Variants in ADAMTSL1 observed in about 807,000 individuals in gnomAD.
ADAMTSL1 encodes ADAMTS like 1.
A neutral mutation model predicts 201.8 loss-of-function variants in ADAMTSL1; 126 were observed. The observed-to-expected ratio is 0.62, with a 90% CI of 0.54 to 0.72. ADAMTSL1 has a LOEUF of 0.72. Among genes scored for constraint, ADAMTSL1 ranks in the 30% least tolerant of loss-of-function variants. ADAMTSL1 has a pLI of 0.00. For synonymous variants in ADAMTSL1, 1,121 were observed against 903.4 expected, an observed-to-expected ratio of 1.24 and a Z score of -4.32; for missense variants, 2,679 against 2,277.8, an observed-to-expected ratio of 1.18 and a Z score of -3.59.
intron 2 of ADAMTSL1, among the ~76,000 whole-genome samples, chr9:18,310,629 G>T (rs899662913): frequency 2.0e-5 from 3 of 152,132 alleles, no homozygotes; most frequent in African/African-American, 7.2e-5. Flanking sequence ...GGTCATTAGA[G>T]AAATGCAAGT....
rs1157409540 is a variant in ADAMTSL1, at chr9:18,009,610, T to G, written c.87+102688T>G. Among the ~76,000 whole-genome samples, 6 of 152,146 alleles carry G rather than the reference T, an allele frequency of 3.9e-5. No homozygotes were observed. In the East Asian group the frequency reaches 9.7e-4, roughly 25 times the overall value. On this transcript the variant is annotated intron_variant, in intron 1 of 29. Coordinates refer to the ADAMTSL1 transcript ENST00000680146. ...TCTGGTTTTCAGACTTGTTAAAAAT[T>G]TATATAATGAGAGATGTGTTGGTTT...
intron 2 of ADAMTSL1, among the ~76,000 whole-genome samples, chr9:18,268,886 C>T (rs192541573): frequency 4.1e-4 from 63 of 152,110 alleles, no homozygotes; most frequent in Admixed American, 1.2e-3. Flanking sequence ...TAAAATTGTG[C>T]ATCAAATTCC....
intron 1 of ADAMTSL1, among the ~76,000 whole-genome samples, chr9:18,099,376 A>G (rs1306880985): frequency 1.3e-5 from 1 of 79,238 alleles, no homozygotes; most frequent in Non-Finnish European, 2.5e-5. Context: ...TTTTTTTAAC[A>G]TCCATTAATT....
At chr9:18,201,604 G>A (rs893751489) in intron 2 of ADAMTSL1, among the ~76,000 whole-genome samples, 8 of 152,044 alleles carry the variant, frequency 5.3e-5, no homozygotes, top group Non-Finnish European at 1.0e-4. Flanking sequence ...GTTTTATTGC[G>A]ATAAGAGCAG....
rs987620066 is a variant in ADAMTSL1, at chr9:18,194,904, G to A, written c.207+30923G>A. 1.2e-4 allele frequency among the ~76,000 whole-genome samples: 19 copies of A among 152,156 alleles called. No homozygotes were observed. The South Asian group carries it at 3.5e-3, about 28-fold the overall frequency. On this transcript the variant is annotated intron_variant, in intron 2 of 29. Coordinates refer to the ADAMTSL1 transcript ENST00000680146. ...ATTAAGGTACTTGACACCAAGGAGT[G>A]GGTGACACACAAGATACATCTTTTC... is the stretch of plus-strand genomic sequence containing the variant.
intron 1 of ADAMTSL1, among the ~76,000 whole-genome samples, chr9:18,498,065 A>G (rs1349202044): frequency 2.0e-5 from 3 of 152,334 alleles, no homozygotes; most frequent in Admixed American, 6.5e-5. Context: ...TTGTCATTTT[A>G]TACAAAATTC....
intron 2 of ADAMTSL1, among the ~76,000 whole-genome samples, chr9:18,217,354 T>G (rs970071520): frequency 6.6e-6 from 1 of 152,146 alleles, no homozygotes; most frequent in Admixed American, 6.5e-5. Flanking sequence ...TCACTGTTGC[T>G]TCCCATCTTG....
chr9:18,647,709 C>G (rs1827911450), intron 7 of ADAMTSL1, among the ~76,000 whole-genome samples: 1 of 151,352 alleles, frequency 6.6e-6, no homozygotes. Context: ...GAGTGAGATT[C>G]TTAATCCTGA....
chr9:18,435,417 GA>G (rs1563959333), intron 2 of ADAMTSL1, among the ~76,000 whole-genome samples: 2 of 152,298 alleles, frequency 1.3e-5, no homozygotes, highest in East Asian at 3.9e-4. Context: ...TTCTAATGGG[GA>G]AACCAGAATT....
At chr9:18,221,829 C>T (rs1042618280) in intron 2 of ADAMTSL1, among the ~76,000 whole-genome samples, 3 of 151,948 alleles carry the variant, frequency 2.0e-5, no homozygotes, top group Non-Finnish European at 4.4e-5. Flanking sequence ...GTGGCATTTT[C>T]ATATCTATAT....
At chr9:18,616,559 A>G (rs1280426826) in intron 4 of ADAMTSL1, among the ~76,000 whole-genome samples, 2 of 152,158 alleles carry the variant, frequency 1.3e-5, no homozygotes, top group East Asian at 1.9e-4. Context: ...TTCATTGTCT[A>G]CTATAAAGAA....
At chr9:18,660,168 A>T (rs1389401135) in intron 8 of ADAMTSL1, among the ~76,000 whole-genome samples, 1 of 152,230 alleles carries the variant, frequency 6.6e-6, no homozygotes, top group Non-Finnish European at 1.5e-5. Flanking sequence ...AGGAAACCTT[A>T]ACTATGAAGC....
intron 2 of ADAMTSL1, among the ~76,000 whole-genome samples, chr9:18,200,891 A>T (rs1414116307): frequency 6.6e-6 from 1 of 151,994 alleles, no homozygotes; most frequent in East Asian, 1.9e-4. Flanking sequence ...CTTTCAGTAT[A>T]CTTTTTTGCA....
chr9:17,930,298 G>A (rs566284114), intron 1 of ADAMTSL1, among the ~76,000 whole-genome samples: 1 of 152,228 alleles, frequency 6.6e-6, no homozygotes, highest in African/African-American at 2.4e-5. Context: ...CCTGGTGCCT[G>A]TATCTGGATG....
At chr9:18,319,127 C>T (rs1253786904) in intron 2 of ADAMTSL1, among the ~76,000 whole-genome samples, 1 of 152,090 alleles carries the variant, frequency 6.6e-6, no homozygotes, top group East Asian at 1.9e-4. Flanking sequence ...AGGAGGATCA[C>T]TTGAGCCCAG....
intron 4 of ADAMTSL1, among the ~76,000 whole-genome samples, chr9:18,596,775 C>G (rs1824290128): frequency 6.6e-6 from 1 of 152,012 alleles, no homozygotes; most frequent in African/African-American, 2.4e-5. Context: ...GCTAAAATAC[C>G]AGAAATGCAA....
At chr9:17,989,295 G>A (rs1819055730) in intron 1 of ADAMTSL1, among the ~76,000 whole-genome samples, 2 of 149,694 alleles carry the variant, frequency 1.3e-5, no homozygotes, top group South Asian at 4.2e-4. Flanking sequence ...TGTACTATAT[G>A]TAATGTTTTG....
intron 1 of ADAMTSL1, among the ~76,000 whole-genome samples, chr9:18,084,904 C>T (rs1169254334): frequency 6.6e-6 from 1 of 152,040 alleles, no homozygotes; most frequent in Admixed American, 6.5e-5. Context: ...AAAAATAAAG[C>T]TTGCAAAGAG....
intron 2 of ADAMTSL1, among the ~76,000 whole-genome samples, chr9:18,525,135 G>T (rs12343163): frequency 0.62 from 93,581 of 151,964 alleles, 29,005 homozygotes; most frequent in East Asian, 0.78. Context: ...TATTGGTCTA[G>T]TCAGGGATTC....
Sources: gnomAD v4.1 joint callset for allele counts (sites outside exome capture counted in the v4.1 genomes callset) on GRCh38, gnomAD v4.1.1 for gene constraint, MANE v1.5 for transcripts, NCBI Gene and HGNC (gene_info 2026-07-23, HGNC 2026-07-21) for gene names.